Variants in SLC16A1 observed in about 807,000 individuals in gnomAD.
The protein encoded by SLC16A1 is monocarboxylate transporter 1.
A neutral mutation model predicts 32.2 loss-of-function variants in SLC16A1; 11 were observed. The ratio of observed to expected loss-of-function variants is 0.34; its 90% CI spans 0.21 to 0.56. The LOEUF (loss-of-function observed/expected upper bound fraction) is 0.56. Among genes scored for constraint, SLC16A1 ranks in the 20% least tolerant of loss-of-function variants. SLC16A1 has a pLI of 0.87. For missense variants in SLC16A1, 435 were observed against 615.0 expected (o/e 0.71, Z 3.10); for synonymous variants, 231 against 226.8 (o/e 1.02, Z -0.17).
chr1:112,925,250 G>C (rs1050187720), intron 2 of SLC16A1, among the ~76,000 whole-genome samples: 1 of 152,148 alleles, frequency 6.6e-6, no homozygotes, highest in Middle Eastern at 3.2e-3. Context: ...GCTCACTGCA[G>C]ACCCAACCTC....
At chr1:112,950,048 T>C (rs1173292876) in intron 1 of SLC16A1, among the ~76,000 whole-genome samples, 6 of 152,224 alleles carry the variant, frequency 3.9e-5, no homozygotes, top group Admixed American at 3.9e-4. Context: ...TTTCTACTGG[T>C]GACAAAGTCA....
chr1:112,949,754 G>A (rs773637037), intron 1 of SLC16A1, among the ~76,000 whole-genome samples: 1 of 151,666 alleles, frequency 6.6e-6, no homozygotes, highest in Non-Finnish European at 1.5e-5. Flanking sequence ...TGCCCAGTCT[G>A]CTCTTGAACT....
intron 2 of SLC16A1, chr1:112,924,058 GGAA>G (rs1290269168): frequency 7.8e-7 from 1 of 1,285,006 alleles, no homozygotes; most frequent in South Asian, 1.2e-5. Flanking sequence ...AATCGCTTCT[GGAA>G]GAAGCACCAC....
intron 2 of SLC16A1, among the ~76,000 whole-genome samples, chr1:112,926,159 C>T (rs1648933644): frequency 6.6e-6 from 1 of 152,216 alleles, no homozygotes; most frequent in Non-Finnish European, 1.5e-5. Flanking sequence ...ACAGAAGGTG[C>T]TCTCTTTCCA....
At chr1:112,921,880 C>T in intron 3 of SLC16A1, 110 bp downstream of exon 3, 1 of 1,329,230 alleles carries the variant, frequency 7.5e-7, no homozygotes, top group Non-Finnish European at 1.1e-6. Context: ...ATAATCAAGT[C>T]ATTTCTATAA....
intron 2 of SLC16A1, among the ~76,000 whole-genome samples, chr1:112,926,286 G>A (rs918605193): frequency 1.3e-5 from 2 of 152,202 alleles, no homozygotes; most frequent in African/African-American, 2.4e-5. Flanking sequence ...TCTCTCTAAG[G>A]TGCTACATCA....
chr1:112,943,017 A>G (rs757888131), intron 1 of SLC16A1, among the ~76,000 whole-genome samples: 10 of 152,218 alleles, frequency 6.6e-5, no homozygotes, highest in Non-Finnish European at 1.2e-4. Flanking sequence ...GTTATGTTAA[A>G]TAATCTGAAT....
At position 112,916,496 on chromosome 1, in the gene SLC16A1, T is replaced by TAAA. The variant is rs570173297; in HGVS notation, c.1228+679_1228+681dup. 6.5e-4 allele frequency among the ~76,000 whole-genome samples: 40 copies of TAAA among 61,228 alleles called. 1 individual carries two copies. Among genetic ancestry groups the TAAA allele is most frequent in the African/African-American group, 2.4e-3 (38 of 15,692 alleles). The allele number at this position is 61,228 out of a possible 152,430, so 40.2% of individuals were successfully genotyped here. On this transcript the variant is annotated intron_variant, in intron 4 of 4. Coordinates refer to ENST00000369626, the MANE Select transcript of SLC16A1 (RefSeq NM_003051.4). The stretch of plus-strand genomic sequence containing the variant: ...CTGGGCAACAAGACCAAGACTGTCT[T>TAAA]AAAAAAAAAAAAAAAAAAAAAAAAA...
intron 1 of SLC16A1, among the ~76,000 whole-genome samples, chr1:112,948,823 GTTTTA>G (rs1282091883): frequency 1.3e-5 from 2 of 150,368 alleles, no homozygotes; most frequent in Admixed American, 6.6e-5. Flanking sequence ...TCAAATGAGT[GTTTTA>G]TTTTATTTTA....
intron 1 of SLC16A1, among the ~76,000 whole-genome samples, chr1:112,940,539 C>A (rs183949281): frequency 2.6e-5 from 4 of 152,112 alleles, no homozygotes; most frequent in Admixed American, 1.3e-4. Context: ...GTGCATTCAA[C>A]TGAATCAGAA....
At chr1:112,935,180 C>T (rs111441569) in intron 1 of SLC16A1, among the ~76,000 whole-genome samples, 23,436 of 151,680 alleles carry the variant, frequency 0.15, 2,416 homozygotes, top group Non-Finnish European at 0.23. Flanking sequence ...TTTGGGAGGC[C>T]GAGGAGAGTG....
chr1:112,944,855 G>A (rs1386927685), intron 1 of SLC16A1, among the ~76,000 whole-genome samples: 1 of 152,002 alleles, frequency 6.6e-6, no homozygotes, highest in Non-Finnish European at 1.5e-5. Flanking sequence ...ACCACATCTG[G>A]CTACTTTTTA....
chr1:112,920,421 CA>C (rs1648680269), intron 3 of SLC16A1, among the ~76,000 whole-genome samples: 1 of 152,108 alleles, frequency 6.6e-6, no homozygotes, highest in Non-Finnish European at 1.5e-5. Context: ...GCCTGCACAA[CA>C]TAGTGAAACC....
At chr1:112,938,006 G>A (rs79074237) in intron 1 of SLC16A1, among the ~76,000 whole-genome samples, 3,790 of 152,188 alleles carry the variant, frequency 0.025, 71 homozygotes, top group South Asian at 0.043. Flanking sequence ...CCGAAGCTGT[G>A]CTCCATACCT....
chr1:112,914,285 A>C, intron 4 of SLC16A1, 120 bp from the exon 5 acceptor site: 1 of 1,040,200 alleles, frequency 9.6e-7, no homozygotes, highest in Non-Finnish European at 1.4e-6. Flanking sequence ...GAGTCCCAAA[A>C]TGATGAATTA....
intron 2 of SLC16A1, among the ~76,000 whole-genome samples, chr1:112,924,734 A>G (rs1648874044): frequency 6.6e-6 from 1 of 152,154 alleles, no homozygotes; most frequent in Admixed American, 6.5e-5. Context: ...TATATCTTTC[A>G]GGGGCCAGGT....
intron 1 of SLC16A1, among the ~76,000 whole-genome samples, chr1:112,932,182 G>A (rs2101636385): frequency 6.6e-6 from 1 of 152,244 alleles, no homozygotes; most frequent in Middle Eastern, 3.4e-3. Flanking sequence ...TCTACTATAG[G>A]TTCTAGCCAG....
At chr1:112,919,228 G>T (rs1648629097) in intron 3 of SLC16A1, among the ~76,000 whole-genome samples, 1 of 151,824 alleles carries the variant, frequency 6.6e-6, no homozygotes, top group Non-Finnish European at 1.5e-5. Context: ...TAGAGACGGG[G>T]TTTCACCGTA....
At position 112,922,119 on chromosome 1, in the gene SLC16A1, T is replaced by C. The variant is rs1648758967; in HGVS notation, c.232A>G (p.Ile78Val). The C allele has an allele frequency of 1.2e-6, 2 of 1,614,104 alleles. No homozygotes were observed. Among genetic ancestry groups the C allele is most frequent in the East Asian group, 4.5e-5 (2 of 44,874 alleles). ...VMYGGGPISSILVNKYGSRIV... is the reference protein window; with the variant it reads ...VMYGGGPISSVLVNKYGSRIV... Reference sequence around the variant, plus strand: ...CGACTTCCATATTTATTCACCAGGATACTGCTGATAGGACCTAAAAGACAA... The same window carrying C: ...CGACTTCCATATTTATTCACCAGGACACTGCTGATAGGACCTAAAAGACAA... The change falls in exon 3 of 5, where the codon ATC becomes GTC. Residue 78 changes from isoleucine (I) to valine (V), a missense_variant. Ile to Val is a conservative substitution (Grantham distance 29). Coordinates refer to ENST00000369626, the MANE Select transcript of SLC16A1 (RefSeq NM_003051.4).
Sources: gnomAD v4.1 joint callset for allele counts (sites outside exome capture counted in the v4.1 genomes callset) on GRCh38, gnomAD v4.1.1 for gene constraint, MANE v1.5 for transcripts, NCBI Gene and HGNC (gene_info 2026-07-23, HGNC 2026-07-21) for gene names.